The following ENPP2 variants were observed in gnomAD, a reference collection of about 807,000 sequenced individuals.
ENPP2 encodes the protein ectonucleotide pyrophosphatase/phosphodiesterase 2.
A neutral mutation model predicts 120.2 loss-of-function variants in ENPP2; 51 were observed. The observed-to-expected ratio is 0.42, with a 90% CI of 0.34 to 0.54. ENPP2 has a LOEUF of 0.54. Ranked by LOEUF, ENPP2 falls within the 20% of genes least tolerant of loss-of-function variation. ENPP2 has a pLI of 0.04. For synonymous variants in ENPP2, 365 were observed against 366.4 expected (o/e 1.00, Z 0.04); for missense variants, 920 against 1,066.5 (o/e 0.86, Z 1.91).
intron 9 of ENPP2, among the ~76,000 whole-genome samples, chr8:119,607,287 T>C (rs767345236): frequency 4.6e-5 from 7 of 152,178 alleles, no homozygotes; most frequent in Non-Finnish European, 1.0e-4. Flanking sequence ...AAGAGAAATA[T>C]ACATGTCCTA....
intron 12 of ENPP2, among the ~76,000 whole-genome samples, chr8:119,593,470 T>C (rs1409909523): frequency 6.6e-6 from 1 of 152,210 alleles, no homozygotes; most frequent in African/African-American, 2.4e-5. Flanking sequence ...ACAAGGAAAC[T>C]GTCTGTGTTG....
At chr8:119,615,561 G>T (rs1339823611) in intron 8 of ENPP2, among the ~76,000 whole-genome samples, 3 of 152,144 alleles carry the variant, frequency 2.0e-5, no homozygotes, top group Non-Finnish European at 2.9e-5. Context: ...AGTAAACAGG[G>T]TGATTTCTTT....
At chr8:119,586,842 G>A (rs1201299055) in intron 14 of ENPP2, among the ~76,000 whole-genome samples, 1 of 152,192 alleles carries the variant, frequency 6.6e-6, no homozygotes, top group African/African-American at 2.4e-5. Context: ...TTGTATCATT[G>A]CCAAGACCAT....
chr8:119,613,650 C>T (rs1379213211), intron 8 of ENPP2, among the ~76,000 whole-genome samples: 5 of 152,180 alleles, frequency 3.3e-5, no homozygotes, highest in African/African-American at 7.2e-5. Context: ...GGTATAAATG[C>T]TTGTAGAATA....
chr8:119,666,931 C>T (rs1020803226), intron 1 of ENPP2, among the ~76,000 whole-genome samples: 2 of 152,082 alleles, frequency 1.3e-5, no homozygotes, highest in East Asian at 1.9e-4. Context: ...TAGTAAAATG[C>T]CTGGTCTACT....
chr8:119,569,253 C>T lies in ENPP2; in HGVS notation c.2035G>A (p.Gly679Arg). ...AACTTACAAGGAGGAAAGAGGAATC[C>T]GTAGGACATCTGCTTATCATTTTTG... ...AYKNDKQMSY[G>R]FLFPPYLSSS... The change falls in exon 21 of 25, where the codon GGA becomes AGA. Residue 679 changes from glycine to arginine, a missense_variant. Coordinates refer to ENST00000075322, the MANE Select transcript of ENPP2 (RefSeq NM_001040092.3). The T allele has an allele frequency of 1.2e-6, 2 of 1,613,962 alleles. No individual in the cohort carries two copies. Among genetic ancestry groups the T allele is most frequent in the Non-Finnish European group, 8.5e-7 (1 of 1,179,920 alleles).
At chr8:119,591,184 C>T (rs1471105724) in intron 12 of ENPP2, among the ~76,000 whole-genome samples, 2 of 151,880 alleles carry the variant, frequency 1.3e-5, no homozygotes, top group African/African-American at 4.8e-5. Flanking sequence ...ATGTTACTGA[C>T]AAAACAATAC....
intron 1 of ENPP2, among the ~76,000 whole-genome samples, chr8:119,668,116 T>A (rs914791749): frequency 1.1e-4 from 16 of 152,158 alleles, no homozygotes; most frequent in Non-Finnish European, 2.1e-4. Context: ...CACGAGGACC[T>A]AAGCTTCCCC....
chr8:119,608,037 A>C, intron 8 of ENPP2, 60 bp from the exon 9 acceptor site: 2 of 1,222,014 alleles, frequency 1.6e-6, no homozygotes, highest in Non-Finnish European at 1.2e-6. Context: ...AAGAAGAAAA[A>C]GTTTTTAAAA....
rs1813616635 is a variant in ENPP2 at position 119,558,125 on chromosome 8, C to T, written c.2422-434G>A. ...AAGTGAAGAACTTAAGCCTAATGCACGAAATGATGTGTGTGCATTCCTAGT... is the reference window on the plus strand; with the variant it reads ...AAGTGAAGAACTTAAGCCTAATGCATGAAATGATGTGTGTGCATTCCTAGT... On this transcript the variant is annotated intron_variant, in intron 24 of 24. Transcript: ENST00000075322. Among the ~76,000 whole-genome samples, 6 of 152,312 alleles carry T rather than the reference C, an allele frequency of 3.9e-5. No individual in the cohort carries two copies. In the South Asian group the frequency reaches 8.3e-4, roughly 21 times the overall value.
At chr8:119,640,269 G>A (rs1370122869), upstream of ENPP2, among the ~76,000 whole-genome samples, 1 of 152,150 alleles carries the variant, frequency 6.6e-6, no homozygotes, top group Non-Finnish European at 1.5e-5. Flanking sequence ...TCTTGCTTTT[G>A]TCTGTATGCC....
chr8:119,572,227 TG>T, intron 19 of ENPP2: 1 of 1,554,924 alleles, frequency 6.4e-7, no homozygotes, highest in Non-Finnish European at 8.7e-7. Context: ...TCATTTCTGC[TG>T]CCTCTGAATT....
intron 8 of ENPP2, 53 bp downstream of exon 8, chr8:119,616,212 T>A (rs1815444576): frequency 6.6e-7 from 1 of 1,510,692 alleles, no homozygotes; most frequent in African/African-American, 1.4e-5. Context: ...GGATGAAATG[T>A]CTCAATACAT....
At chr8:119,660,109 C>T (rs774876761) in intron 1 of ENPP2, among the ~76,000 whole-genome samples, 17 of 152,198 alleles carry the variant, frequency 1.1e-4, no homozygotes, top group Non-Finnish European at 1.8e-4. Context: ...GGCCACTGTG[C>T]TGTAGAAACT....
chr8:119,641,859 G>A (rs148495126), upstream of ENPP2, among the ~76,000 whole-genome samples: 10 of 152,272 alleles, frequency 6.6e-5, no homozygotes, highest in Middle Eastern at 3.4e-3. Flanking sequence ...TGCAGCAGAC[G>A]TGATTGACTG....
At chr8:119,585,734 A>T (rs192851991) in intron 15 of ENPP2, among the ~76,000 whole-genome samples, 1 of 152,222 alleles carries the variant, frequency 6.6e-6, no homozygotes, top group Non-Finnish European at 1.5e-5. Context: ...AAGCAATGTA[A>T]AAAGTGCCCA....
intron 11 of ENPP2, among the ~76,000 whole-genome samples, chr8:119,595,224 T>G (rs1290175907): frequency 6.6e-6 from 1 of 152,196 alleles, no homozygotes; most frequent in African/African-American, 2.4e-5. Context: ...AGGGATCAGT[T>G]CAGAGGATCA....
intron 8 of ENPP2, among the ~76,000 whole-genome samples, chr8:119,611,157 A>G (rs905960874): frequency 3.9e-5 from 6 of 152,256 alleles, no homozygotes; most frequent in African/African-American, 1.4e-4. Context: ...ATGAAATTCA[A>G]CACTTTCTCA....
intron 2 of ENPP2, among the ~76,000 whole-genome samples, chr8:119,627,265 C>T (rs558453374): frequency 6.6e-6 from 1 of 152,190 alleles, no homozygotes; most frequent in South Asian, 2.1e-4. Flanking sequence ...TAGTGTTTTA[C>T]AAATACAAGC....
Sources: allele counts gnomAD v4.1 joint callset (sites outside exome capture counted in the v4.1 genomes callset), GRCh38; gene constraint gnomAD v4.1.1; transcripts MANE v1.5; gene names NCBI Gene and HGNC (gene_info 2026-07-23, HGNC 2026-07-21).